USP34: variants seen among roughly 807,000 people sequenced by gnomAD.
USP34 encodes the protein ubiquitin carboxyl-terminal hydrolase 34.
A neutral mutation model predicts 460.3 loss-of-function variants in USP34; 70 were observed. That is an observed-to-expected ratio of 0.15 (90% CI 0.13 to 0.19). The LOEUF is 0.19. USP34 is among the 10% of genes least tolerant of loss of function. The pLI is 1.00. For missense variants in USP34, 3,985 were observed against 4,236.2 expected, an observed-to-expected ratio of 0.94 and a Z score of 1.65; for synonymous variants, 1,647 against 1,405.3, an observed-to-expected ratio of 1.17 and a Z score of -3.85.
intron 20 of USP34, among the ~76,000 whole-genome samples, chr2:61,328,448 C>T (rs543609500): frequency 6.6e-6 from 1 of 151,988 alleles, no homozygotes; most frequent in Non-Finnish European, 1.5e-5. Flanking sequence ...ATTTTAATCT[C>T]CACTGGAAAA....
chr2:61,433,398 C>A (rs189196071), intron 1 of USP34, among the ~76,000 whole-genome samples: 11 of 152,314 alleles, frequency 7.2e-5, no homozygotes, highest in Admixed American at 6.5e-4. Context: ...CTTTGAGGAG[C>A]TGAGGCAGGC....
intron 1 of USP34, among the ~76,000 whole-genome samples, chr2:61,458,855 C>A (rs1357467771): frequency 6.6e-6 from 1 of 152,030 alleles, no homozygotes. Flanking sequence ...ATGGTGAGGT[C>A]AGGAGTTCAA....
At chr2:61,410,658 CAT>C (rs572265542) in intron 2 of USP34, among the ~76,000 whole-genome samples, 369 of 152,276 alleles carry the variant, frequency 2.4e-3, no homozygotes, top group Non-Finnish European at 4.3e-3. Context: ...TGATTTTACA[CAT>C]AAACTTTACT....
chr2:61,400,633 C>T (rs1693688867), intron 3 of USP34, among the ~76,000 whole-genome samples: 1 of 151,780 alleles, frequency 6.6e-6, no homozygotes, highest in Non-Finnish European at 1.5e-5. Flanking sequence ...GAAGATTGCC[C>T]AAAGCCAGGA....
chr2:61,413,352 T>C (rs2694653), intron 2 of USP34, among the ~76,000 whole-genome samples: 57,705 of 150,920 alleles, frequency 0.38, 10,827 homozygotes, highest in Admixed American at 0.41. Context: ...GATCGCGCCA[T>C]TGCACTCCAT....
At chr2:61,343,768 T>G in intron 16 of USP34, 47 bp downstream of exon 16, 1 of 1,562,140 alleles carries the variant, frequency 6.4e-7, no homozygotes, top group Non-Finnish European at 8.8e-7. Flanking sequence ...GATAAATTAT[T>G]CCTGTTGTGA....
At chr2:61,188,775 G>C in intron 79 of USP34, 66 bp from the exon 80 acceptor site, 1 of 1,572,488 alleles carries the variant, frequency 6.4e-7, no homozygotes, top group Non-Finnish European at 8.6e-7. Context: ...AGGGGGGGAT[G>C]TGGGAAGTTA....
chr2:61,391,924 C>T (rs181557150), intron 5 of USP34, among the ~76,000 whole-genome samples: 58 of 152,098 alleles, frequency 3.8e-4, no homozygotes, highest in African/African-American at 1.3e-3. Context: ...AATTAACAAA[C>T]AGATTATATA....
Position 61,236,311 on chromosome 2 carries a change from T to A in USP34, c.6842+14A>T, listed in dbSNP as rs1282752979. 14 of 1,598,990 alleles carry A rather than the reference T, an allele frequency of 8.8e-6. No homozygotes were observed. The highest frequency in any genetic ancestry group is 1.2e-5 in the Non-Finnish European group (14 of 1,174,282). ...AATGTGTAAAATATCTACTATGAAA[T>A]TTACCAAACTTACCCAAAATATGTA... On this transcript the variant is annotated intron_variant, in intron 54 of 79. Transcript: ENST00000398571.
intron 1 of USP34, among the ~76,000 whole-genome samples, chr2:61,470,084 AATC>A (rs1695902488): frequency 1.3e-5 from 2 of 152,228 alleles, no homozygotes; most frequent in African/African-American, 2.4e-5. Context: ...TGAAGGTTCC[AATC>A]ATCACTATCA....
intron 59 of USP34, 72 bp downstream of exon 59, chr2:61,229,469 AAAAAAAC>A (rs1558478147): frequency 5.7e-5 from 37 of 654,798 alleles, no homozygotes; most frequent in South Asian, 3.4e-4. Context: ...AAAAAAAAAA[AAAAAAAC>A]AAAAAAAAAA....
intron 68 of USP34, among the ~76,000 whole-genome samples, chr2:61,212,346 G>A (rs1192436502): frequency 6.6e-6 from 1 of 152,122 alleles, no homozygotes; most frequent in Non-Finnish European, 1.5e-5. Flanking sequence ...CACTACTTTT[G>A]TAACTTCAAA....
intron 67 of USP34, chr2:61,220,045 T>A (rs1003145299): frequency 7.0e-6 from 2 of 286,812 alleles, no homozygotes; most frequent in Non-Finnish European, 1.3e-5. Context: ...CAAACCTTTT[T>A]ATTCCCTTCA....
At chr2:61,197,826 C>T (rs980994435) in intron 75 of USP34, among the ~76,000 whole-genome samples, 2 of 152,216 alleles carry the variant, frequency 1.3e-5, no homozygotes, top group African/African-American at 4.8e-5. Context: ...GTGGCTCCAT[C>T]TCAGCTCACT....
At position 61,206,127 on chromosome 2, in the gene USP34, G is replaced by A. The variant is rs1409453049; in HGVS notation, c.9047-3C>T. ...CTGGATTAATGCTTGTTTCACATCT[G>A]CAAATATAAAAGCACATATAAATAT... is the stretch of plus-strand genomic sequence containing the variant. On this transcript the variant is annotated splice_region_variant and splice_polypyrimidine_tract_variant and intron_variant, in intron 71 of 79. Transcript: ENST00000398571. 1 of 1,612,028 alleles carries A rather than the reference G, an allele frequency of 6.2e-7. No homozygotes were observed. The highest frequency in any genetic ancestry group is 8.5e-7 in the Non-Finnish European group (1 of 1,178,426).
At chr2:61,407,738 A>G (rs1693920331) in intron 2 of USP34, among the ~76,000 whole-genome samples, 1 of 152,182 alleles carries the variant, frequency 6.6e-6, no homozygotes, top group African/African-American at 2.4e-5. Context: ...CACTTACTCT[A>G]GAGGAAGCCA....
chr2:61,215,120 A>G (rs1367375138), intron 67 of USP34, among the ~76,000 whole-genome samples: 1 of 152,234 alleles, frequency 6.6e-6, no homozygotes, highest in East Asian at 1.9e-4. Flanking sequence ...ATTGAAAAAT[A>G]ATGATAATTT....
intron 58 of USP34, among the ~76,000 whole-genome samples, chr2:61,231,801 A>T (rs992964651): frequency 9.9e-6 from 1 of 100,628 alleles, no homozygotes; most frequent in Admixed American, 8.7e-5. Context: ...GTGACAGAGC[A>T]AAACCCTCTA....
intron 1 of USP34, among the ~76,000 whole-genome samples, chr2:61,442,926 C>CACAA (rs751195672): frequency 1.4e-4 from 21 of 151,862 alleles, no homozygotes; most frequent in Non-Finnish European, 2.5e-4. Flanking sequence ...CACACACACA[C>CACAA]ACACACACAG....
Sources: gnomAD v4.1 joint callset for allele counts (sites outside exome capture counted in the v4.1 genomes callset) on GRCh38, gnomAD v4.1.1 for gene constraint, MANE v1.5 for transcripts, NCBI Gene and HGNC (gene_info 2026-07-23, HGNC 2026-07-21) for gene names.